The following KREMEN1 variants were observed in gnomAD, a reference collection of about 807,000 sequenced individuals.
KREMEN1 encodes the protein kringle containing transmembrane protein 1, also known as kremen protein 1.
KREMEN1 carries 30 observed loss-of-function variants against 46.5 expected under a neutral mutation model. That is an observed-to-expected ratio of 0.65 (90% confidence interval 0.48 to 0.88). The LOEUF is 0.88. Among genes scored for constraint, KREMEN1 ranks in the 40% least tolerant of loss-of-function variants. KREMEN1 has a pLI of 0.00. For synonymous variants in KREMEN1, 214 were observed against 230.6 expected, an observed-to-expected ratio of 0.93 and a Z score of 0.65; for missense variants, 533 against 596.9, an observed-to-expected ratio of 0.89 and a Z score of 1.11.
chr22:29,103,467 C>G (rs2038005415), intron 3 of KREMEN1, among the ~76,000 whole-genome samples: 1 of 152,166 alleles, frequency 6.6e-6, no homozygotes, highest in South Asian at 2.1e-4. Context: ...GAGCATGGAT[C>G]AGAACTTACT....
rs975706083 is a variant in KREMEN1 at position 29,137,762 on chromosome 22, G to A, written c.964+88G>A. 1.5e-5 allele frequency: 17 copies of A among 1,111,778 alleles called. No individual in the cohort carries two copies. In the South Asian group the frequency reaches 1.7e-4, roughly 11 times the overall value. The allele number at this position is 1,111,778 out of a possible 1,614,324, so 68.9% of individuals were successfully genotyped here. A position where few individuals can be genotyped will look rare whatever the true frequency, so the allele number is the denominator to read the frequency against. ...CACCCTTGTGACTTGGGCAGTTCTT[G>A]CGGGGCAGATTGGGCCTCAGGAACT... is the stretch of plus-strand genomic sequence containing the variant. On this transcript the variant is annotated intron_variant, in intron 6 of 8. Transcript: ENST00000400335.
rs770673230 is a variant in KREMEN1 at position 29,125,245 on chromosome 22, G to C, written c.478-18G>C. On this transcript the variant is annotated intron_variant, in intron 4 of 8. Coordinates refer to ENST00000400335, the MANE Select transcript of KREMEN1 (RefSeq NM_001039570.3). Reference sequence around the variant, plus strand: ...TCCCTGATGATGCTTACCGTGTGCTGCTTCTCTGTTGTGGCAGTTTGCTGG... The same window carrying C: ...TCCCTGATGATGCTTACCGTGTGCTCCTTCTCTGTTGTGGCAGTTTGCTGG... 43 of 1,613,448 alleles carry C rather than the reference G, an allele frequency of 2.7e-5. No homozygotes were observed. In the East Asian group the frequency reaches 9.6e-4, roughly 36 times the overall value.
At chr22:29,155,629 T>C (rs912374616) in intron 9 of KREMEN1, among the ~76,000 whole-genome samples, 1 of 152,164 alleles carries the variant, frequency 6.6e-6, no homozygotes, top group African/African-American at 2.4e-5. Context: ...ATGCATTACA[T>C]GTGCAAGTTT....
exon 10 of KREMEN1, chr22:29,168,270 G>T (rs569527669): frequency 6.6e-6 from 1 of 150,966 alleles, no homozygotes; most frequent in South Asian, 2.1e-4. Flanking sequence ...GGAGGCGGAG[G>T]TTGCAGTGAG....
At chr22:29,114,155 G>A (rs1173512817) in intron 3 of KREMEN1, among the ~76,000 whole-genome samples, 4 of 152,038 alleles carry the variant, frequency 2.6e-5, no homozygotes, top group Non-Finnish European at 4.4e-5. Flanking sequence ...GGTCATGAGA[G>A]TGGGACTCCC....
intron 3 of KREMEN1, among the ~76,000 whole-genome samples, chr22:29,109,385 T>C (rs1009665133): frequency 6.6e-6 from 1 of 152,214 alleles, no homozygotes; most frequent in African/African-American, 2.4e-5. Flanking sequence ...ATCTGAGTTA[T>C]AAACCTAAGA....
chr22:29,103,526 T>C (rs8141696), intron 3 of KREMEN1, among the ~76,000 whole-genome samples: 4,584 of 152,272 alleles, frequency 0.03, 200 homozygotes, highest in African/African-American at 0.094. Context: ...GAAACTGCTT[T>C]TGCCAGAATG....
At chr22:29,167,185 C>T (rs755415627) in exon 10 of KREMEN1, 7 of 1,155,732 alleles carry the variant, frequency 6.1e-6, no homozygotes, top group Non-Finnish European at 8.9e-6. Context: ...ATTGCCTCTC[C>T]TCGCACAGAA....
At chr22:29,102,360 C>T (rs1357717393) in intron 3 of KREMEN1, among the ~76,000 whole-genome samples, 2 of 152,302 alleles carry the variant, frequency 1.3e-5, no homozygotes, top group South Asian at 2.1e-4. Flanking sequence ...GAAGAATGGG[C>T]TTTTGCTCAG....
In KREMEN1 at chr22:29,146,747, G is replaced by A. The variant is rs1273524725; in HGVS notation, c.*4635G>A. 4 of 938,086 alleles carry A rather than the reference G, an allele frequency of 4.3e-6. No homozygotes were observed. Among genetic ancestry groups the A allele is most frequent in the East Asian group, 2.3e-4 (2 of 8,604 alleles). The allele number at this position is 938,086 out of a possible 1,614,324, so 58.1% of individuals were successfully genotyped here. Reference sequence around the variant, plus strand: ...TTATTTAAGAAAATGGAATGTAATGGTACTTTTACAAACGAGAAAAAATGT... The same window carrying A: ...TTATTTAAGAAAATGGAATGTAATGATACTTTTACAAACGAGAAAAAATGT... On this transcript the variant is annotated 3_prime_UTR_variant, in exon 9 of 9. Transcript: ENST00000400335.
chr22:29,131,638 ATG>A (rs1159415924), intron 5 of KREMEN1, among the ~76,000 whole-genome samples: 9 of 125,768 alleles, frequency 7.2e-5, no homozygotes, highest in Non-Finnish European at 1.4e-4. Flanking sequence ...ATGTATATAT[ATG>A]TGTGTATATA....
intron 5 of KREMEN1, among the ~76,000 whole-genome samples, chr22:29,130,211 G>T (rs922824767): frequency 5.3e-5 from 8 of 152,214 alleles, no homozygotes; most frequent in African/African-American, 1.9e-4. Context: ...TAAAAGTTCA[G>T]TAATCTGCCC....
intron 7 of KREMEN1, 134 bp from the exon 8 acceptor site, chr22:29,140,148 T>C: frequency 2.9e-6 from 2 of 683,852 alleles, no homozygotes; most frequent in Middle Eastern, 2.9e-4. Context: ...TGAGGCTAGG[T>C]TTGCTAGCTG....
chr22:29,073,144 C>T lies in KREMEN1; in HGVS notation c.14C>T (p.Ala5Val). 1 of 1,103,258 alleles carries T rather than the reference C, an allele frequency of 9.1e-7. No individual in the cohort carries two copies. The highest frequency in any genetic ancestry group is 1.1e-6 in the Non-Finnish European group (1 of 909,028). 68.3% of individuals were successfully genotyped at this position (1,103,258 alleles called of 1,614,324 possible). Residue 5 changes from alanine to valine, a missense_variant, in exon 1 of 9, where the codon GCC (alanine) becomes GTC (valine). Physicochemically the swap from Ala to Val is moderately conservative, Grantham distance 64. Coordinates refer to ENST00000400335, the MANE Select transcript of KREMEN1 (RefSeq NM_001039570.3). The surrounding 1 kb of genome is among the most constrained non-coding windows in gnomAD (Gnocchi z 4.4). ...CACTGACGGCCCATGGCGCCGCCAG[C>T]CGCCCGCCTCGCCCTGCTCTCCGCC... MAPP[A>V]ARLALLSAAA...
At chr22:29,117,024 G>A (rs960412174) in intron 3 of KREMEN1, among the ~76,000 whole-genome samples, 1 of 152,168 alleles carries the variant, frequency 6.6e-6, no homozygotes, top group Admixed American at 6.5e-5. Flanking sequence ...CATGTGTGAC[G>A]CAAGGGAGAA....
chr22:29,084,754 A>G (rs134630), intron 1 of KREMEN1, among the ~76,000 whole-genome samples: 97,345 of 152,128 alleles, frequency 0.64, 31,365 homozygotes, highest in Middle Eastern at 0.78. Context: ...AGTTTTTCTT[A>G]TAATGGTCTT....
chr22:29,116,685 TGA>T (rs1401386142), intron 3 of KREMEN1, among the ~76,000 whole-genome samples: 2 of 152,122 alleles, frequency 1.3e-5, no homozygotes, highest in Non-Finnish European at 2.9e-5. Context: ...ATGGAATAAA[TGA>T]GAGAAAAATC....
chr22:29,099,893 T>C (rs2037948533), intron 3 of KREMEN1, among the ~76,000 whole-genome samples: 1 of 152,024 alleles, frequency 6.6e-6, no homozygotes, highest in Admixed American at 6.6e-5. Flanking sequence ...GACAATAGGA[T>C]ACCCTGACCC....
At position 29,167,354 on chromosome 22, in the gene KREMEN1, G is replaced by A. The variant is rs116092013; in HGVS notation, c.*248G>A. On this transcript the variant is annotated 3_prime_UTR_variant, in exon 10 of 10. Coordinates refer to the KREMEN1 transcript ENST00000327813. Reference sequence around the variant, plus strand: ...AGCCTGAGCAGCAGAGCGGGACCTCGTCTCTAAGAATAGAAAGAAAGAAAG... The same window carrying A: ...AGCCTGAGCAGCAGAGCGGGACCTCATCTCTAAGAATAGAAAGAAAGAAAG... The A allele has an allele frequency of 2.2e-3, 1,161 of 519,346 alleles. 12 individuals are homozygous for A. The highest frequency in any genetic ancestry group is 0.02 in the African/African-American group (1,025 of 52,302). The allele number at this position is 519,346 out of a possible 1,614,324, so 32.2% of individuals were successfully genotyped here.
Sources: allele counts gnomAD v4.1 joint callset (sites outside exome capture counted in the v4.1 genomes callset), GRCh38; gene constraint gnomAD v4.1.1; non-coding constraint Gnocchi (gnomAD v3.1); transcripts MANE v1.5; gene names NCBI Gene and HGNC (gene_info 2026-07-23, HGNC 2026-07-21).